Variants in GRIN2B observed in about 807,000 individuals in gnomAD.
GRIN2B encodes glutamate receptor ionotropic, NMDA 2B.
Under a neutral mutation model 114.5 loss-of-function variants are expected in GRIN2B, and 5 were observed. That is an observed-to-expected ratio of 0.04 (90% CI 0.02 to 0.09). The LOEUF (loss-of-function observed/expected upper bound fraction) is 0.09. GRIN2B is among the 10% of genes least tolerant of loss of function. The pLI is 1.00. For missense variants in GRIN2B, 1,108 were observed against 1,943.5 expected, an observed-to-expected ratio of 0.57 and a Z score of 8.08; for synonymous variants, 787 against 745.1, an observed-to-expected ratio of 1.06 and a Z score of -0.92.
intron 10 of GRIN2B, among the ~76,000 whole-genome samples, chr12:13,594,073 G>A (rs891258834): frequency 3.9e-5 from 6 of 152,326 alleles, no homozygotes; most frequent in Admixed American, 3.9e-4. Flanking sequence ...TACACTGTTG[G>A]TGGGAGTGTA....
intron 3 of GRIN2B, among the ~76,000 whole-genome samples, chr12:13,840,948 A>G (rs1282423887): frequency 6.6e-6 from 1 of 152,208 alleles, no homozygotes; most frequent in Non-Finnish European, 1.5e-5. Context: ...GTTCCTCACT[A>G]TGAGTATGAA....
intron 4 of GRIN2B, among the ~76,000 whole-genome samples, chr12:13,741,341 T>C (rs933612699): frequency 1.3e-5 from 2 of 152,088 alleles, no homozygotes; most frequent in Admixed American, 6.5e-5. Context: ...GGAAACTCTT[T>C]ATTACCAAAC....
At position 13,573,169 on chromosome 12, in the gene GRIN2B, C is replaced by T. The variant is rs144691345; in HGVS notation, c.2011-1205G>A. ...AATATAATGCATAAGAAGTGCTTGG[C>T]GGTCGGGCACGGTGGCTCACGCCTG... On this transcript the variant is annotated intron_variant, in intron 10 of 13. Coordinates refer to ENST00000609686, the MANE Select transcript of GRIN2B (RefSeq NM_000834.5). 1.7e-3 allele frequency among the ~76,000 whole-genome samples: 257 copies of T among 149,478 alleles called. 19 individuals carry two copies. The Middle Eastern group carries it at 0.034, about 20-fold the overall frequency.
chr12:13,672,654 A>G (rs1330947900), intron 5 of GRIN2B, among the ~76,000 whole-genome samples: 1 of 152,164 alleles, frequency 6.6e-6, no homozygotes, highest in Non-Finnish European at 1.5e-5. Context: ...CTATGACCTC[A>G]ATGAACACTA....
intron 3 of GRIN2B, among the ~76,000 whole-genome samples, chr12:13,855,233 C>G (rs1340065965): frequency 6.6e-6 from 1 of 150,464 alleles, no homozygotes; most frequent in Non-Finnish European, 1.5e-5. Flanking sequence ...AGAAAAGAGA[C>G]AAAAGAGAGA....
chr12:13,790,045 C>T (rs1864293270), intron 3 of GRIN2B, among the ~76,000 whole-genome samples: 1 of 152,196 alleles, frequency 6.6e-6, no homozygotes, highest in South Asian at 2.1e-4. Context: ...AAATCCTCCT[C>T]CTTTGAGACA....
intron 2 of GRIN2B, among the ~76,000 whole-genome samples, chr12:13,908,323 G>A (rs1465593785): frequency 6.6e-6 from 1 of 152,028 alleles, no homozygotes; most frequent in Non-Finnish European, 1.5e-5. Flanking sequence ...ACTATCTTGA[G>A]ACAATTGAGA....
At chr12:13,969,101 G>A (rs1271861896) in intron 2 of GRIN2B, among the ~76,000 whole-genome samples, 1 of 152,216 alleles carries the variant, frequency 6.6e-6, no homozygotes, top group Non-Finnish European at 1.5e-5. Flanking sequence ...GATGCTTATG[G>A]CCAGTACCAT....
intron 2 of GRIN2B, among the ~76,000 whole-genome samples, chr12:13,953,297 A>G (rs1195021511): frequency 1.3e-5 from 2 of 152,134 alleles, no homozygotes; most frequent in Non-Finnish European, 2.9e-5. Flanking sequence ...CAATTAGTCA[A>G]TGCAATTATG....
chr12:13,812,350 C>T (rs1300908954), intron 3 of GRIN2B, among the ~76,000 whole-genome samples: 4 of 152,170 alleles, frequency 2.6e-5, no homozygotes, highest in Admixed American at 6.5e-5. Flanking sequence ...AGCCACCACA[C>T]CCAGCCCTGA....
chr12:13,715,756 A>G (rs73298353), intron 4 of GRIN2B, among the ~76,000 whole-genome samples: 3,178 of 152,042 alleles, frequency 0.021, 120 homozygotes, highest in African/African-American at 0.072. Flanking sequence ...GTGCTTCAGA[A>G]GCTTACTGCA....
chr12:13,887,648 CTTACTT>C (rs1866187919), intron 2 of GRIN2B, among the ~76,000 whole-genome samples: 1 of 152,220 alleles, frequency 6.6e-6, no homozygotes, highest in African/African-American at 2.4e-5. Context: ...TTATTTCAGT[CTTACTT>C]ATACTTACCC....
intron 10 of GRIN2B, among the ~76,000 whole-genome samples, chr12:13,595,311 G>A (rs889579136): frequency 1.3e-5 from 2 of 151,984 alleles, no homozygotes; most frequent in Admixed American, 6.6e-5. Context: ...CCTTTGCCTG[G>A]TGGATCCTGC....
rs1393501684 is a variant in GRIN2B, at chr12:13,694,666, T to C, written c.1011-18807A>G. Among the ~76,000 whole-genome samples the C allele has an allele frequency of 2.0e-3, 115 of 58,896 alleles. 1 individual carries two copies. In the South Asian group the frequency reaches 0.028, roughly 14 times the overall value. 38.6% of individuals were successfully genotyped at this position (58,896 alleles called of 152,430 possible). ...TGTGCAAGAAAATGTCATATATATATATATATATATATATATATATATATA... is the reference window on the plus strand; with the variant it reads ...TGTGCAAGAAAATGTCATATATATACATATATATATATATATATATATATA... On this transcript the variant is annotated intron_variant, in intron 4 of 13. Coordinates refer to ENST00000609686, the MANE Select transcript of GRIN2B (RefSeq NM_000834.5).
intron 2 of GRIN2B, among the ~76,000 whole-genome samples, chr12:13,928,813 T>C (rs1386179470): frequency 6.6e-6 from 1 of 152,236 alleles, no homozygotes; most frequent in Non-Finnish European, 1.5e-5. Context: ...TGAAACCCTA[T>C]ATGGGAAAAG....
At position 13,547,982 on chromosome 12, in the gene GRIN2B, T is replaced by TATATATATATATATATATATATA. The variant is rs1555098069; in HGVS notation, c.*14800_*14801insTATATATATATATATATATATAT. On this transcript the variant is annotated 3_prime_UTR_variant, in exon 14 of 14. Transcript: ENST00000609686. ...GTGTATATATATATATATATATATA[T>TATATATATATATATATATATATA]TTTTTTTTTTTTTCTGAAAGCTACA... is the stretch of plus-strand genomic sequence containing the variant. 8.1e-5 allele frequency: 3 copies of TATATATATATATATATATATATA among 37,106 alleles called. No individual in the cohort carries two copies. Among genetic ancestry groups the TATATATATATATATATATATATA allele is most frequent in the African/African-American group, 2.0e-4 (3 of 15,184 alleles). The allele number at this position is 37,106 out of a possible 1,614,324, so 2.3% of individuals were successfully genotyped here. A position where few individuals can be genotyped will look rare whatever the true frequency, so the allele number is the denominator to read the frequency against.
chr12:13,702,990 G>A (rs1483258890), intron 4 of GRIN2B, among the ~76,000 whole-genome samples: 1 of 152,142 alleles, frequency 6.6e-6, no homozygotes, highest in African/African-American at 2.4e-5. Flanking sequence ...TTTTTATGAT[G>A]TCAATTTCCC....
intron 2 of GRIN2B, among the ~76,000 whole-genome samples, chr12:13,932,255 A>G (rs1208076646): frequency 9.2e-5 from 14 of 152,144 alleles, no homozygotes; most frequent in Admixed American, 9.2e-4. Flanking sequence ...ACTCTCTTTG[A>G]TCTATCAGGT....
At chr12:13,591,276 G>A (rs1174882326) in intron 10 of GRIN2B, among the ~76,000 whole-genome samples, 1 of 152,160 alleles carries the variant, frequency 6.6e-6, no homozygotes, top group East Asian at 1.9e-4. Context: ...AGCAGTTTGT[G>A]GCTTTCAGGG....
Sources: gnomAD v4.1 joint callset for allele counts (sites outside exome capture counted in the v4.1 genomes callset) on GRCh38, gnomAD v4.1.1 for gene constraint, MANE v1.5 for transcripts, NCBI Gene and HGNC (gene_info 2026-07-23, HGNC 2026-07-21) for gene names.